CCDC91: variants seen among roughly 807,000 people sequenced by gnomAD.
CCDC91 encodes coiled-coil domain containing 91.
In CCDC91, 48 loss-of-function variants were observed where a neutral mutation model predicts 63.2. The observed-to-expected ratio is 0.76, with a 90% CI of 0.60 to 0.97. The LOEUF (loss-of-function observed/expected upper bound fraction) is 0.97. Among genes scored for constraint, CCDC91 ranks in the 50% least tolerant of loss-of-function variants. The probability of loss-of-function intolerance (pLI) is 0.00; values close to 1 mark genes in which losing one functional copy is unlikely to be tolerated. For synonymous variants in CCDC91, 167 were observed against 165.8 expected (o/e 1.01, Z -0.06); for missense variants, 500 against 494.6 (o/e 1.01, Z -0.10).
chr12:28,304,479 T>C, intron 3 of CCDC91: 1 of 262,032 alleles, frequency 3.8e-6, no homozygotes, highest in Non-Finnish European at 7.5e-6. Flanking sequence ...GCACATAATA[T>C]GTCAAAAATG....
intron 8 of CCDC91, among the ~76,000 whole-genome samples, chr12:28,400,589 A>C (rs967882710): frequency 2.0e-5 from 3 of 152,066 alleles, no homozygotes; most frequent in Admixed American, 2.0e-4. Context: ...AATTTTCCCA[A>C]CTTTTATGCT....
intron 1 of CCDC91, among the ~76,000 whole-genome samples, chr12:28,227,072 T>C (rs981063736): frequency 1.3e-5 from 2 of 152,184 alleles, no homozygotes; most frequent in Non-Finnish European, 2.9e-5. Flanking sequence ...TATCACATTG[T>C]ATCAAGGGTA....
chr12:28,443,250 AAAG>A (rs1211167762), intron 8 of CCDC91, among the ~76,000 whole-genome samples: 38 of 151,808 alleles, frequency 2.5e-4, no homozygotes, highest in African/African-American at 9.2e-4. Flanking sequence ...AAAAAAAAAA[AAAG>A]AGAGTTAAGC....
chr12:28,465,787 G>T (rs1388976813), intron 11 of CCDC91, among the ~76,000 whole-genome samples: 1 of 152,046 alleles, frequency 6.6e-6, no homozygotes, highest in Non-Finnish European at 1.5e-5. Flanking sequence ...CAAGTATCAA[G>T]ATAACCCAGG....
intron 12 of CCDC91, among the ~76,000 whole-genome samples, chr12:28,511,202 T>A (rs775434779): frequency 1.3e-5 from 2 of 151,890 alleles, no homozygotes; most frequent in Non-Finnish European, 2.9e-5. Context: ...AAGACCAAGC[T>A]ACCATTATCT....
At chr12:28,537,404 A>G (rs569894157) in intron 12 of CCDC91, among the ~76,000 whole-genome samples, 1 of 152,310 alleles carries the variant, frequency 6.6e-6, no homozygotes, top group East Asian at 1.9e-4. Flanking sequence ...AAAATTTCCA[A>G]CTTTTCCATA....
chr12:28,385,014 G>A (rs1945513735), intron 7 of CCDC91, among the ~76,000 whole-genome samples: 2 of 151,828 alleles, frequency 1.3e-5, no homozygotes, highest in Admixed American at 6.6e-5. Flanking sequence ...AAAAGGGCTT[G>A]TACCAGAAAA....
intron 8 of CCDC91, among the ~76,000 whole-genome samples, chr12:28,403,273 C>G (rs558630222): frequency 6.6e-6 from 1 of 152,218 alleles, no homozygotes; most frequent in Non-Finnish European, 1.5e-5. Flanking sequence ...TTATCTGGGC[C>G]AGGTGCTTTC....
In CCDC91 at chr12:28,414,904, G is replaced by A. The variant is rs1169094423; in HGVS notation, c.762+23493G>A. Among the ~76,000 whole-genome samples the A allele has an allele frequency of 2.0e-5, 3 of 152,070 alleles. No homozygotes were observed. The East Asian group carries it at 5.8e-4, about 29-fold the overall frequency. On this transcript the variant is annotated intron_variant, in intron 8 of 12. Coordinates refer to ENST00000536442, the MANE Select transcript of CCDC91 (RefSeq NM_018318.5). ...AGATACTCCATAGGTGAATGCCTTAGAAACAATGAAAAAACCCGTTCCTCT... is the reference window on the plus strand; with the variant it reads ...AGATACTCCATAGGTGAATGCCTTAAAAACAATGAAAAAACCCGTTCCTCT...
chr12:28,547,575 G>A (rs1273966836), intron 12 of CCDC91, among the ~76,000 whole-genome samples: 1 of 151,996 alleles, frequency 6.6e-6, no homozygotes, highest in Non-Finnish European at 1.5e-5. Flanking sequence ...TTGTTTAATA[G>A]TCTTATAAGC....
At chr12:28,445,592 T>C (rs1470098594) in intron 8 of CCDC91, among the ~76,000 whole-genome samples, 1 of 152,208 alleles carries the variant, frequency 6.6e-6, no homozygotes, top group African/African-American at 2.4e-5. Context: ...TGAAAGTCTA[T>C]ATGACTAGCA....
At chr12:28,338,766 T>C (rs1449048876) in intron 6 of CCDC91, among the ~76,000 whole-genome samples, 2 of 152,158 alleles carry the variant, frequency 1.3e-5, no homozygotes, top group African/African-American at 4.8e-5. Flanking sequence ...AGAAAATGGA[T>C]GCTTTGGACT....
At chr12:28,341,293 G>A (rs1170930776) in intron 6 of CCDC91, among the ~76,000 whole-genome samples, 1 of 152,106 alleles carries the variant, frequency 6.6e-6, no homozygotes, top group Non-Finnish European at 1.5e-5. Flanking sequence ...GGGTGTGAAG[G>A]CAGGAGTGCC....
At chr12:28,389,581 T>C (rs1447234865) in intron 7 of CCDC91, among the ~76,000 whole-genome samples, 1 of 152,064 alleles carries the variant, frequency 6.6e-6, no homozygotes, top group Admixed American at 6.6e-5. Flanking sequence ...GAGAGAATAT[T>C]ATTTTATTTT....
intron 1 of CCDC91, among the ~76,000 whole-genome samples, chr12:28,256,485 A>G (rs1049578625): frequency 6.8e-6 from 1 of 147,242 alleles, no homozygotes; most frequent in African/African-American, 2.5e-5. Flanking sequence ...CATTTTTATG[A>G]TATACATTTA....
chr12:28,492,407 T>C (rs1330831836), intron 12 of CCDC91, among the ~76,000 whole-genome samples: 4 of 151,766 alleles, frequency 2.6e-5, no homozygotes, highest in African/African-American at 9.7e-5. Flanking sequence ...TTATAATCTA[T>C]AATCACTTGC....
intron 7 of CCDC91, among the ~76,000 whole-genome samples, chr12:28,384,043 A>T (rs1945453359): frequency 6.6e-6 from 1 of 152,182 alleles, no homozygotes; most frequent in South Asian, 2.1e-4. Context: ...ATTGGGGATT[A>T]AGACAAGTTG....
At chr12:28,198,488 CA>C (rs932200636) in intron 1 of CCDC91, among the ~76,000 whole-genome samples, 27 of 152,100 alleles carry the variant, frequency 1.8e-4, no homozygotes, top group Admixed American at 1.7e-3. Flanking sequence ...CTTAGTTTGC[CA>C]AAATTGGGCA....
chr12:28,383,792 G>T (rs897536976), intron 7 of CCDC91, among the ~76,000 whole-genome samples: 1 of 151,978 alleles, frequency 6.6e-6, no homozygotes, highest in Non-Finnish European at 1.5e-5. Context: ...TTTCTGAAAC[G>T]TCTAAATACT....
Sources: gnomAD v4.1 joint callset for allele counts (sites outside exome capture counted in the v4.1 genomes callset) on GRCh38, gnomAD v4.1.1 for gene constraint, MANE v1.5 for transcripts, NCBI Gene and HGNC (gene_info 2026-07-23, HGNC 2026-07-21) for gene names.